The following OMA1 variants were observed in gnomAD, a reference collection of about 807,000 sequenced individuals.
The protein encoded by OMA1 is metalloendopeptidase OMA1, mitochondrial.
OMA1 carries 38 observed loss-of-function variants against 30.9 expected under a neutral mutation model. That is an observed-to-expected ratio of 1.23 (90% CI 0.95 to 1.61). The LOEUF (loss-of-function observed/expected upper bound fraction) is 1.61, where lower values mean the gene tolerates loss of function less well. Among genes scored for constraint, OMA1 ranks in the 40% most tolerant of loss-of-function variants. The pLI is 0.00. For missense variants in OMA1, 461 were observed against 349.2 expected, an observed-to-expected ratio of 1.32 and a Z score of -2.55; for synonymous variants, 173 against 121.9, an observed-to-expected ratio of 1.42 and a Z score of -2.76.
intron 1 of OMA1, among the ~76,000 whole-genome samples, chr1:58,544,774 A>G (rs1646674841): frequency 6.6e-6 from 1 of 152,184 alleles, no homozygotes; most frequent in African/African-American, 2.4e-5. Flanking sequence ...TTGTATTTTT[A>G]GTAGAGACGG....
chr1:58,520,900 GA>G (rs1035816541), intron 7 of OMA1, among the ~76,000 whole-genome samples: 1 of 151,454 alleles, frequency 6.6e-6, no homozygotes, highest in Non-Finnish European at 1.5e-5. Context: ...CAAAAAAAAG[GA>G]AAAAAAATCA....
chr1:58,485,539 T>G (rs890792766), intron 8 of OMA1, among the ~76,000 whole-genome samples: 2 of 152,164 alleles, frequency 1.3e-5, no homozygotes, highest in Admixed American at 6.5e-5. Context: ...CATACATATT[T>G]CTATCAAATC....
Position 58,536,603 on chromosome 1 carries a change from G to A in OMA1, c.639C>T (p.His213=), listed in dbSNP as rs752287967. ...TTCCTGTGATTGGACTTACTTCCAG[G>A]TGAGTAAAATAAAACACCACAAAGA... The part of the protein sequence containing the change: ...GLLFVVFYFT[H]LEVSPITGRS... Residue 213 remains histidine, a synonymous_variant, in exon 3 of 9, where the codon CAC becomes CAT. Transcript: ENST00000371226. The A allele has an allele frequency of 1.1e-6, 1 of 872,676 alleles. No individual in the cohort carries two copies. The highest frequency in any genetic ancestry group is 1.3e-5 in the South Asian group (1 of 76,530). The allele number at this position is 872,676 out of a possible 1,614,324, so 54.1% of individuals were successfully genotyped here. A position where few individuals can be genotyped will look rare whatever the true frequency, so the allele number is the denominator to read the frequency against.
rs529699312 is a variant in OMA1 at position 58,481,912 on chromosome 1, T to A, written c.1366-738A>T. 3.9e-5 allele frequency among the ~76,000 whole-genome samples: 6 copies of A among 152,352 alleles called. No homozygotes were observed. In the South Asian group the frequency reaches 1.2e-3, roughly 32 times the overall value. ...TCAGCCATATGGAACTGTAAGTCAATTAAACCTCTTTCCTTCATAAATTAC... is the reference window on the plus strand; with the variant it reads ...TCAGCCATATGGAACTGTAAGTCAAATAAACCTCTTTCCTTCATAAATTAC... On this transcript the variant is annotated intron_variant, in intron 8 of 8. Transcript: ENST00000371226.
chr1:58,501,505 C>A (rs1225805462), intron 8 of OMA1, among the ~76,000 whole-genome samples: 2 of 152,168 alleles, frequency 1.3e-5, no homozygotes, highest in Non-Finnish European at 2.9e-5. Context: ...AAGGCCCACG[C>A]CCTCCCCCTT....
chr1:58,519,016 G>A (rs1285158853), intron 7 of OMA1, among the ~76,000 whole-genome samples: 1 of 152,126 alleles, frequency 6.6e-6, no homozygotes, highest in Admixed American at 6.5e-5. Context: ...TGGTTCCAGA[G>A]TTCATGCATT....
intron 3 of OMA1, among the ~76,000 whole-genome samples, chr1:58,535,595 CAA>C (rs11315198): frequency 0.023 from 2,188 of 95,590 alleles, 31 homozygotes; most frequent in East Asian, 0.16. Flanking sequence ...GTCTCTGTCT[CAA>C]AAAAAAAAAA....
chr1:58,523,603 A>G (rs1646301338), intron 7 of OMA1, among the ~76,000 whole-genome samples: 1 of 152,180 alleles, frequency 6.6e-6, no homozygotes. Context: ...GAATGTAAAA[A>G]GAACTGGCAG....
chr1:58,530,617 T>G lies in OMA1; in HGVS notation c.1124A>C (p.Gln375Pro). 1 of 872,468 alleles carries G rather than the reference T, an allele frequency of 1.1e-6. No homozygotes were observed. The highest frequency in any genetic ancestry group is 2.0e-6 in the Non-Finnish European group (1 of 501,378). 54.0% of individuals were successfully genotyped at this position (872,468 alleles called of 1,614,324 possible). The change falls in exon 6 of 9, where the codon CAG becomes CCG. Residue 375 changes from glutamine to proline, a missense_variant. Gln to Pro is a moderately conservative substitution (Grantham distance 76). Transcript: ENST00000371226. ...DSLALLCQWI[Q>P]SKLQEYMFNR... ...CAGACTTACCTCCTGCAATTTAGAC[T>G]GTATCCACTGGCACAAAAGTGCCAA...
chr1:58,533,431 G>C (rs997650620), intron 5 of OMA1, among the ~76,000 whole-genome samples: 2 of 151,874 alleles, frequency 1.3e-5, no homozygotes, highest in Non-Finnish European at 2.9e-5. Context: ...TTATGAATGG[G>C]AAGCCACATA....
intron 7 of OMA1, among the ~76,000 whole-genome samples, chr1:58,516,601 A>C (rs1646161183): frequency 1.3e-5 from 2 of 152,178 alleles, no homozygotes; most frequent in Admixed American, 1.3e-4. Context: ...CAATAAAATC[A>C]CTCATAGCCA....
At chr1:58,529,130 C>G (rs1232401874) in intron 6 of OMA1, among the ~76,000 whole-genome samples, 1 of 152,096 alleles carries the variant, frequency 6.6e-6, no homozygotes, top group African/African-American at 2.4e-5. Flanking sequence ...CTTTTATTTT[C>G]TCTTTAAGAA....
intron 1 of OMA1, among the ~76,000 whole-genome samples, chr1:58,546,428 C>T (rs1245532743): frequency 2.0e-5 from 3 of 152,148 alleles, no homozygotes; most frequent in Non-Finnish European, 4.4e-5. Flanking sequence ...GGGTCACCGG[C>T]GTGCCCCGGG....
At chr1:58,533,716 G>A (rs1445009411) in intron 5 of OMA1, among the ~76,000 whole-genome samples, 2 of 152,044 alleles carry the variant, frequency 1.3e-5, no homozygotes, top group East Asian at 3.8e-4. Context: ...TAGCAAAAGA[G>A]ACAGGTGATA....
intron 7 of OMA1, among the ~76,000 whole-genome samples, chr1:58,516,681 C>T (rs948004098): frequency 6.6e-6 from 1 of 152,160 alleles, no homozygotes; most frequent in African/African-American, 2.4e-5. Context: ...TCATGAGTAA[C>T]ATCGTTTTTG....
intron 8 of OMA1, among the ~76,000 whole-genome samples, chr1:58,483,939 G>A (rs1645532023): frequency 6.6e-6 from 1 of 152,218 alleles, no homozygotes; most frequent in South Asian, 2.1e-4. Context: ...TCAGTAAAGG[G>A]GGAGAGTATG....
intron 7 of OMA1, among the ~76,000 whole-genome samples, chr1:58,525,151 G>A (rs1018809894): frequency 6.6e-6 from 1 of 151,998 alleles, no homozygotes; most frequent in African/African-American, 2.4e-5. Flanking sequence ...TGTGTTTTAT[G>A]GTAAAAAATT....
At chr1:58,483,890 A>G (rs1308995558) in intron 8 of OMA1, among the ~76,000 whole-genome samples, 2 of 152,194 alleles carry the variant, frequency 1.3e-5, no homozygotes, top group African/African-American at 4.8e-5. Context: ...CATGGCTGCT[A>G]TATCAGTGTA....
At chr1:58,502,703 C>T (rs888209930) in intron 8 of OMA1, among the ~76,000 whole-genome samples, 22 of 152,178 alleles carry the variant, frequency 1.4e-4, no homozygotes, top group Admixed American at 1.3e-4. Context: ...AGAAATTAGA[C>T]TACAATAATA....
Sources: allele counts gnomAD v4.1 joint callset (sites outside exome capture counted in the v4.1 genomes callset), GRCh38; gene constraint gnomAD v4.1.1; transcripts MANE v1.5; gene names NCBI Gene and HGNC (gene_info 2026-07-23, HGNC 2026-07-21).